CHST11: variants seen among roughly 807,000 people sequenced by gnomAD.
CHST11 encodes C4S-1.
In CHST11, 9 loss-of-function variants were observed where a neutral mutation model predicts 30.4. The observed-to-expected ratio is 0.30, with a 90% CI of 0.18 to 0.52. The LOEUF is 0.52. Ranked by LOEUF, CHST11 falls within the 20% of genes least tolerant of loss-of-function variation. The probability of loss-of-function intolerance (pLI) is 0.97; values close to 1 mark genes in which losing one functional copy is unlikely to be tolerated. For missense variants in CHST11, 348 were observed against 460.6 expected (o/e 0.76, Z 2.24); for synonymous variants, 152 against 187.8 (o/e 0.81, Z 1.56).
At chr12:104,526,226 AG>A (rs548545799) in intron 1 of CHST11, among the ~76,000 whole-genome samples, 1,975 of 136,754 alleles carry the variant, frequency 0.014, 55 homozygotes, top group African/African-American at 0.052. Context: ...AAAAAAAAAA[AG>A]AAAAGAAAAG....
At chr12:104,495,627 CTATT>C (rs1331223228) in intron 1 of CHST11, among the ~76,000 whole-genome samples, 1 of 152,056 alleles carries the variant, frequency 6.6e-6, no homozygotes, top group Admixed American at 6.5e-5. Context: ...TTGATAACTA[CTATT>C]TATTGAGTGC....
At chr12:104,754,102 T>C (rs2040456009) in intron 2 of CHST11, among the ~76,000 whole-genome samples, 1 of 152,204 alleles carries the variant, frequency 6.6e-6, no homozygotes, top group Non-Finnish European at 1.5e-5. Context: ...CAGAGGTCGG[T>C]AATTTGCCAG....
At chr12:104,622,824 G>A (rs2039173167) in intron 2 of CHST11, among the ~76,000 whole-genome samples, 1 of 152,206 alleles carries the variant, frequency 6.6e-6, no homozygotes, top group Non-Finnish European at 1.5e-5. Flanking sequence ...CCAAGCACAT[G>A]GTAAAAGTGT....
intron 2 of CHST11, among the ~76,000 whole-genome samples, chr12:104,616,457 G>A (rs1180020986): frequency 6.7e-6 from 1 of 149,350 alleles, no homozygotes; most frequent in Non-Finnish European, 1.5e-5. Context: ...GCCTGCCAAA[G>A]GGAAACTACA....
At chr12:104,536,421 A>G (rs1294304060) in intron 1 of CHST11, among the ~76,000 whole-genome samples, 1 of 152,160 alleles carries the variant, frequency 6.6e-6, no homozygotes, top group East Asian at 1.9e-4. Context: ...TATCAGCACC[A>G]CAGTTGTTAG....
At chr12:104,519,011 G>A (rs12315181) in intron 1 of CHST11, among the ~76,000 whole-genome samples, 7,882 of 139,338 alleles carry the variant, frequency 0.057, 443 homozygotes, top group East Asian at 0.18. Context: ...CTCTTCAGTC[G>A]GATTATAGAG....
intron 1 of CHST11, among the ~76,000 whole-genome samples, chr12:104,593,177 G>A (rs573753502): frequency 3.3e-5 from 5 of 152,260 alleles, no homozygotes; most frequent in South Asian, 2.1e-4. Context: ...GCTGGGCGTC[G>A]GGAGGGGCTC....
At chr12:104,755,133 C>T (rs1006551841) in intron 2 of CHST11, among the ~76,000 whole-genome samples, 2 of 152,218 alleles carry the variant, frequency 1.3e-5, no homozygotes, top group African/African-American at 2.4e-5. Context: ...CCCAATGGCC[C>T]TGTGCACCTT....
At chr12:104,679,650 C>T (rs1393017253) in intron 2 of CHST11, among the ~76,000 whole-genome samples, 2 of 152,124 alleles carry the variant, frequency 1.3e-5, no homozygotes, top group East Asian at 1.9e-4. Flanking sequence ...CTGGGGCCGC[C>T]GAGCCCCAGC....
At chr12:104,518,359 G>A (rs2038045015) in intron 1 of CHST11, among the ~76,000 whole-genome samples, 1 of 152,162 alleles carries the variant, frequency 6.6e-6, no homozygotes. Context: ...GTAGGAAGGA[G>A]GGAAGATTCG....
chr12:104,753,257 G>A (rs1007422599), intron 2 of CHST11, among the ~76,000 whole-genome samples: 3 of 152,192 alleles, frequency 2.0e-5, no homozygotes, highest in African/African-American at 7.2e-5. Flanking sequence ...CGTTTTCCAC[G>A]TTCTCATTCA....
At chr12:104,559,108 C>A (rs1313541223) in intron 1 of CHST11, among the ~76,000 whole-genome samples, 1 of 151,684 alleles carries the variant, frequency 6.6e-6, no homozygotes, top group Non-Finnish European at 1.5e-5. Context: ...GGGGTGGGAA[C>A]AGGGACGGTG....
intron 1 of CHST11, among the ~76,000 whole-genome samples, chr12:104,576,649 G>T (rs946434488): frequency 6.6e-6 from 1 of 152,176 alleles, no homozygotes; most frequent in Non-Finnish European, 1.5e-5. Flanking sequence ...CATTTCCAAA[G>T]CCCAGGAGAA....
chr12:104,493,759 C>G (rs1397763191), intron 1 of CHST11, among the ~76,000 whole-genome samples: 1 of 152,194 alleles, frequency 6.6e-6, no homozygotes, highest in Non-Finnish European at 1.5e-5. Flanking sequence ...GGAGGGCCGT[C>G]CCTTCGGACA....
At chr12:104,484,769 G>A (rs2135963118) in intron 1 of CHST11, among the ~76,000 whole-genome samples, 1 of 152,354 alleles carries the variant, frequency 6.6e-6, no homozygotes, top group South Asian at 2.1e-4. Flanking sequence ...TGTCAAGAGA[G>A]CACATAGCAA....
At chr12:104,504,974 G>A (rs1441015515) in intron 1 of CHST11, among the ~76,000 whole-genome samples, 4 of 152,212 alleles carry the variant, frequency 2.6e-5, no homozygotes, top group African/African-American at 9.7e-5. Context: ...TTGCACTGGT[G>A]CTGAATGCAG....
intron 2 of CHST11, among the ~76,000 whole-genome samples, chr12:104,633,474 G>A (rs932422627): frequency 1.0e-4 from 14 of 133,906 alleles, no homozygotes; most frequent in East Asian, 9.1e-4. Context: ...AAGTTCAGTC[G>A]CGTGATCTCG....
chr12:104,623,608 G>T (rs1036655158), intron 2 of CHST11, among the ~76,000 whole-genome samples: 1 of 152,120 alleles, frequency 6.6e-6, no homozygotes, highest in Admixed American at 6.5e-5. Context: ...TACTCGGGAG[G>T]CTGAGGCAGG....
At chr12:104,602,507 G>A (rs541750844) in intron 2 of CHST11, among the ~76,000 whole-genome samples, 46 of 152,310 alleles carry the variant, frequency 3.0e-4, no homozygotes, top group African/African-American at 9.9e-4. Context: ...AGCAAACGTG[G>A]CCTCTGTGCC....
Sources: allele counts gnomAD v4.1 joint callset (sites outside exome capture counted in the v4.1 genomes callset), GRCh38; gene constraint gnomAD v4.1.1; transcripts MANE v1.5; gene names NCBI Gene and HGNC (gene_info 2026-07-23, HGNC 2026-07-21).